The following PHF8 variants were observed in gnomAD, a reference collection of about 807,000 sequenced individuals.
PHF8 encodes PHD finger protein 8.
Under a neutral mutation model 74.4 loss-of-function variants are expected in PHF8, and 9 were observed. The observed-to-expected ratio is 0.12, with a 90% CI of 0.07 to 0.21. The LOEUF is 0.21. Among genes scored for constraint, PHF8 ranks in the 10% least tolerant of loss-of-function variants. The pLI, the probability that PHF8 is intolerant of heterozygous loss-of-function variation, is 1.00. For missense variants in PHF8, 478 were observed against 816.6 expected (o/e 0.59, Z 5.05); for synonymous variants, 311 against 316.6 (o/e 0.98, Z 0.19).
rs781890293 is a variant in PHF8 at position 54,013,587 on chromosome X, G to A, written c.783+790C>T. Among the ~76,000 whole-genome samples the A allele has an allele frequency of 2.3e-4, 25 of 110,969 alleles. No individual in the cohort carries two copies. The East Asian group carries it at 6.8e-3, about 30-fold the overall frequency. On this transcript the variant is annotated intron_variant, in intron 7 of 21. Transcript: ENST00000338154. ...AATCCCAACACTTTGGGAGGTGGAGGCAAGCAGATCACTTCAGGTCAGGCG... is the reference window on the plus strand; with the variant it reads ...AATCCCAACACTTTGGGAGGTGGAGACAAGCAGATCACTTCAGGTCAGGCG...
chrX:53,948,525 G>A (rs1318417026), intron 19 of PHF8, among the ~76,000 whole-genome samples: 2 of 110,539 alleles, frequency 1.8e-5, no homozygotes, highest in East Asian at 2.9e-4. Context: ...CACCTGCCTC[G>A]GTGTCCCAAA....
chrX:53,938,143 A>G lies in PHF8; in HGVS notation c.*1015T>C. The G allele has an allele frequency of 1.8e-6, 2 of 1,134,709 alleles. No individual in the cohort carries two copies. Among genetic ancestry groups the G allele is most frequent in the East Asian group, 3.3e-5 (1 of 30,315 alleles). The allele number at this position is 1,134,709 out of a possible 1,213,427, so 93.5% of individuals were successfully genotyped here. Reference sequence around the variant, plus strand: ...GACCTCAGGTGGAGAAAGAAGCATGAAAAGTTCCCGATGGAGGACCCAGGT... The same window carrying G: ...GACCTCAGGTGGAGAAAGAAGCATGGAAAGTTCCCGATGGAGGACCCAGGT... On this transcript the variant is annotated 3_prime_UTR_variant, in exon 22 of 22. Coordinates refer to ENST00000338154, the MANE Select transcript of PHF8 (RefSeq NM_015107.3).
chrX:53,985,749 C>T, intron 17 of PHF8, 67 bp downstream of exon 17: 1 of 1,208,429 alleles, frequency 8.3e-7, no homozygotes. Context: ...GCTGACCTGG[C>T]ACCTTGGGCG....
intron 2 of PHF8, among the ~76,000 whole-genome samples, chrX:54,023,325 T>TA (rs1210499878): frequency 8.5e-5 from 9 of 106,111 alleles, no homozygotes; most frequent in African/African-American, 1.4e-4. Context: ...CGAAAAAGAC[T>TA]AAAAAAAAAA....
chrX:53,952,270 C>G (rs1409473620), intron 19 of PHF8, among the ~76,000 whole-genome samples: 1 of 98,978 alleles, frequency 1.0e-5, no homozygotes, highest in South Asian at 4.6e-4. Flanking sequence ...GGCGACAGTG[C>G]GAGACTCTGT....
In PHF8 at chrX:54,023,275, C is replaced by T. The variant is rs1399083458; in HGVS notation, c.99-432G>A. 2.7e-5 allele frequency among the ~76,000 whole-genome samples: 3 copies of T among 110,830 alleles called. No individual in the cohort carries two copies. In the East Asian group the frequency reaches 8.5e-4, roughly 31 times the overall value. On this transcript the variant is annotated intron_variant, in intron 2 of 21. Coordinates refer to ENST00000338154, the MANE Select transcript of PHF8 (RefSeq NM_015107.3). ...TATAGGTGTGAGCCACCACGCCCAG[C>T]CTTATAACCTAATTTTTAAACTTGA...
At chrX:54,000,481 T>C (rs1028781535) in intron 10 of PHF8, among the ~76,000 whole-genome samples, 1 of 112,496 alleles carries the variant, frequency 8.9e-6, no homozygotes, top group African/African-American at 3.2e-5. Flanking sequence ...TATAAATAAT[T>C]TTCTACTGAA....
chrX:54,032,353 A>AC (rs1391441937), intron 2 of PHF8, among the ~76,000 whole-genome samples: 1 of 110,305 alleles, frequency 9.1e-6, no homozygotes, highest in Non-Finnish European at 1.9e-5. Flanking sequence ...TGATCTGCAC[A>AC]CCCCTGACCC....
chrX:53,986,521 C>T (rs2065568719), intron 16 of PHF8, among the ~76,000 whole-genome samples: 2 of 112,929 alleles, frequency 1.8e-5, no homozygotes, highest in Non-Finnish European at 3.7e-5. Flanking sequence ...GCGTGAGCCA[C>T]CACGCCCGGC....
At chrX:53,995,577 G>T in intron 12 of PHF8, 116 bp downstream of exon 12, 1 of 515,651 alleles carries the variant, frequency 1.9e-6, no homozygotes. Flanking sequence ...TGGGTCTTTG[G>T]TAGGGTCTTC....
At position 54,017,619 on chromosome X, in the gene PHF8, G is replaced by A. The variant is rs782245401; in HGVS notation, c.454+42C>T. ...GGGGAAGGGACACAGATCTTGACAGGAATGAACAATGTTACAGTTAAAAGG... is the reference window on the plus strand; with the variant it reads ...GGGGAAGGGACACAGATCTTGACAGAAATGAACAATGTTACAGTTAAAAGG... On this transcript the variant is annotated intron_variant, in intron 5 of 21. Transcript: ENST00000338154. 10 of 1,096,763 alleles carry A rather than the reference G, an allele frequency of 9.1e-6. No homozygotes were observed. In the South Asian group the frequency reaches 1.3e-4, roughly 14 times the overall value. The allele number at this position is 1,096,763 out of a possible 1,213,427, so 90.4% of individuals were successfully genotyped here.
intron 9 of PHF8, 41 bp downstream of exon 9, chrX:54,002,554 A>G: frequency 1.2e-6 from 1 of 863,348 alleles, no homozygotes; most frequent in Non-Finnish European, 1.7e-6. Flanking sequence ...TCTAGCAGAC[A>G]GGAATGGCCA....
intron 19 of PHF8, among the ~76,000 whole-genome samples, chrX:53,950,621 T>TGGGA (rs1191323391): frequency 1.8e-5 from 2 of 112,214 alleles, no homozygotes; most frequent in African/African-American, 6.5e-5. Flanking sequence ...CAGCAAGCAC[T>TGGGA]GGGAGCACTC....
At chrX:54,047,727 A>G (rs1241456247), upstream of PHF8, among the ~76,000 whole-genome samples, 3 of 111,726 alleles carry the variant, frequency 2.7e-5, no homozygotes, top group South Asian at 3.8e-4. Flanking sequence ...AGAATTTCCA[A>G]TTGAGGTGAG....
chrX:53,988,501 T>C (rs1395309694), intron 14 of PHF8, among the ~76,000 whole-genome samples: 8 of 110,718 alleles, frequency 7.2e-5, no homozygotes, highest in African/African-American at 2.6e-4. Context: ...TGGGATTAAG[T>C]AAAATTAAAA....
intron 2 of PHF8, among the ~76,000 whole-genome samples, chrX:54,040,484 A>G (rs1326543251): frequency 1.8e-5 from 2 of 112,190 alleles, no homozygotes; most frequent in Non-Finnish European, 3.8e-5. Flanking sequence ...GATATGATTA[A>G]ATAATTACTT....
At chrX:53,979,004 C>T (rs1245949110) in intron 18 of PHF8, among the ~76,000 whole-genome samples, 4 of 110,783 alleles carry the variant, frequency 3.6e-5, no homozygotes, top group Non-Finnish European at 7.5e-5. Flanking sequence ...GATCAAAGGG[C>T]TCTGTATCCT....
chrX:53,994,881 T>G (rs376000400), intron 12 of PHF8, among the ~76,000 whole-genome samples: 82 of 112,610 alleles, frequency 7.3e-4, no homozygotes, highest in African/African-American at 2.3e-3. Context: ...CTGGTGCCTC[T>G]GCTACTTCAC....
intron 2 of PHF8, among the ~76,000 whole-genome samples, chrX:54,033,531 G>A (rs781879511): frequency 2.6e-4 from 29 of 111,296 alleles, no homozygotes; most frequent in African/African-American, 4.6e-4. Flanking sequence ...TGGCCAACAC[G>A]GTGAAACCCC....
Sources: allele counts gnomAD v4.1 joint callset (sites outside exome capture counted in the v4.1 genomes callset), GRCh38; gene constraint gnomAD v4.1.1; transcripts MANE v1.5; gene names NCBI Gene and HGNC (gene_info 2026-07-23, HGNC 2026-07-21).